Variants in CACNA1E observed in about 807,000 individuals in gnomAD.
CACNA1E encodes voltage-dependent R-type calcium channel subunit alpha-1E.
CACNA1E carries 40 observed loss-of-function variants against 259.2 expected under a neutral mutation model. That is an observed-to-expected ratio of 0.15 (90% CI 0.12 to 0.20). The LOEUF is 0.20. Ranked by LOEUF, CACNA1E falls within the 10% of genes least tolerant of loss-of-function variation. The pLI, the probability that CACNA1E is intolerant of heterozygous loss-of-function variation, is 1.00. For synonymous variants in CACNA1E, 1,104 were observed against 1,138.5 expected (o/e 0.97, Z 0.61); for missense variants, 1,874 against 3,040.1 (o/e 0.62, Z 9.02).
intron 14 of CACNA1E, 76 bp from the exon 15 acceptor site, chr1:181,720,707 A>C: frequency 1.2e-6 from 1 of 848,472 alleles, no homozygotes; most frequent in Non-Finnish European, 2.0e-6. Context: ...AAGTGATGAA[A>C]GCTGTGATCT....
chr1:181,605,496 A>G (rs1174938712), intron 6 of CACNA1E, among the ~76,000 whole-genome samples: 2 of 152,206 alleles, frequency 1.3e-5, no homozygotes, highest in East Asian at 1.9e-4. Flanking sequence ...TTGAAACAGG[A>G]ATAAAAACTA....
At chr1:181,393,266 C>T (rs896346474) in intron 1 of CACNA1E, among the ~76,000 whole-genome samples, 14 of 152,154 alleles carry the variant, frequency 9.2e-5, no homozygotes, top group South Asian at 2.1e-4. Context: ...CAGTTTTCCT[C>T]ATCTGTAAGA....
chr1:181,502,992 C>T (rs1348993791), intron 1 of CACNA1E, among the ~76,000 whole-genome samples: 2 of 152,138 alleles, frequency 1.3e-5, no homozygotes, highest in African/African-American at 4.8e-5. Context: ...AGCCACTGTG[C>T]CTGGCCAGGC....
intron 3 of CACNA1E, among the ~76,000 whole-genome samples, chr1:181,534,680 T>A (rs1443104672): frequency 6.6e-6 from 1 of 151,642 alleles, no homozygotes; most frequent in Non-Finnish European, 1.5e-5. Context: ...AGAAAAGAAG[T>A]AGTAGGCAAA....
intron 2 of CACNA1E, among the ~76,000 whole-genome samples, chr1:181,431,861 T>A (rs1044333704): frequency 1.5e-4 from 23 of 152,218 alleles, no homozygotes; most frequent in Non-Finnish European, 7.3e-5. Flanking sequence ...TTTATTTGAC[T>A]TTTGGAGTAG....
At chr1:181,359,325 G>T (rs1193392483) in intron 1 of CACNA1E, among the ~76,000 whole-genome samples, 2 of 152,172 alleles carry the variant, frequency 1.3e-5, no homozygotes, top group Non-Finnish European at 2.9e-5. Flanking sequence ...TTATACCTGA[G>T]AGGGTTCGGA....
At chr1:181,753,584 A>G (rs935017819) in intron 27 of CACNA1E, among the ~76,000 whole-genome samples, 4 of 152,164 alleles carry the variant, frequency 2.6e-5, no homozygotes, top group Non-Finnish European at 5.9e-5. Context: ...AGAAAACTCA[A>G]CAGTTCCTCT....
At position 181,721,291 on chromosome 1, in the gene CACNA1E, T is replaced by C. The variant is rs143818682; in HGVS notation, c.1956+436T>C. 9.9e-3 allele frequency among the ~76,000 whole-genome samples: 1,510 copies of C among 152,298 alleles called. 29 individuals are homozygous for C. The highest frequency in any genetic ancestry group is 0.035 in the African/African-American group (1,444 of 41,566). On this transcript the variant is annotated intron_variant, in intron 15 of 47. Coordinates refer to ENST00000367573, the MANE Select transcript of CACNA1E (RefSeq NM_001205293.3). Reference sequence around the variant, plus strand: ...AATCATGGGGAAAACTCAAAATCAATAGTGTCTTAGGCCTAAAGAAAAATA... The same window carrying C: ...AATCATGGGGAAAACTCAAAATCAACAGTGTCTTAGGCCTAAAGAAAAATA...
In CACNA1E at chr1:181,732,392, G is replaced by A. The variant is rs1206135758; in HGVS notation, c.2306G>A (p.Arg769Gln). Residue 769 changes from arginine to glutamine, a missense_variant, in exon 20 of 48, where the codon CGG becomes CAG. By Grantham distance (43) the Arg-to-Gln change is conservative. This residue lies in a region of CACNA1E where 476 missense variants were observed against 514.0 expected (regional missense o/e 0.93). Coordinates refer to ENST00000367573, the MANE Select transcript of CACNA1E (RefSeq NM_001205293.3). This position sits in a 1 kb window ranked among gnomAD's most constrained non-coding sequence, Gnocchi z 5.5. Reference sequence around the variant, plus strand: ...CCCTTTCCCCTTGGCAGGAGGGAGCGGAGGCGCCGGCACCACATGTCCGTG... The same window carrying A: ...CCCTTTCCCCTTGGCAGGAGGGAGCAGAGGCGCCGGCACCACATGTCCGTG... ...WEPRSSHLRE[R>Q]RRRHHMSVWE... The A allele has an allele frequency of 5.3e-6, 8 of 1,523,728 alleles. No homozygotes were observed. Among genetic ancestry groups the A allele is most frequent in the Admixed American group, 2.1e-5 (1 of 47,504 alleles). 94.4% of individuals were successfully genotyped at this position (1,523,728 alleles called of 1,614,324 possible).
chr1:181,724,230 A>G (rs571987986), intron 16 of CACNA1E, among the ~76,000 whole-genome samples: 9 of 152,292 alleles, frequency 5.9e-5, no homozygotes, highest in Admixed American at 5.9e-4. Flanking sequence ...TGATTCAAGT[A>G]TTTCTTTATC....
chr1:181,440,257 T>C (rs1398844957), intron 2 of CACNA1E, among the ~76,000 whole-genome samples: 2 of 152,046 alleles, frequency 1.3e-5, no homozygotes, highest in African/African-American at 2.4e-5. Flanking sequence ...GAGCGAAGAA[T>C]GGAAACTTTC....
intron 2 of CACNA1E, among the ~76,000 whole-genome samples, chr1:181,457,040 A>G (rs1661505787): frequency 6.6e-6 from 1 of 152,262 alleles, no homozygotes; most frequent in Admixed American, 6.5e-5. Context: ...GTGAGCCTCT[A>G]TAATAAAGTA....
At chr1:181,491,474 G>A (rs761597633) in intron 1 of CACNA1E, among the ~76,000 whole-genome samples, 4 of 152,232 alleles carry the variant, frequency 2.6e-5, no homozygotes, top group Non-Finnish European at 5.9e-5. Flanking sequence ...ATCATGCTTT[G>A]AGAACCATTG....
intron 25 of CACNA1E, 39 bp downstream of exon 25, chr1:181,739,292 C>T: frequency 7.5e-7 from 1 of 1,328,822 alleles, no homozygotes; most frequent in Non-Finnish European, 1.1e-6. Context: ...CTTCCTTCCC[C>T]TCTTCCTGGA....
intron 1 of CACNA1E, among the ~76,000 whole-genome samples, chr1:181,333,810 C>G (rs1651476052): frequency 6.6e-6 from 1 of 152,148 alleles, no homozygotes; most frequent in Admixed American, 6.5e-5. Context: ...CATGTACCAC[C>G]ACGCCCGGCT....
intron 43 of CACNA1E, among the ~76,000 whole-genome samples, 154 bp from the exon 44 acceptor site, chr1:181,790,291 T>C (rs919224841): frequency 1.0e-5 from 1 of 97,508 alleles, no homozygotes; most frequent in Non-Finnish European, 2.3e-5. Context: ...CTTCTAGTGC[T>C]TTTTTTTTTT....
intron 3 of CACNA1E, among the ~76,000 whole-genome samples, chr1:181,526,055 A>T (rs752595398): frequency 2.0e-5 from 3 of 152,268 alleles, no homozygotes; most frequent in Middle Eastern, 3.4e-3. Context: ...TGTTGCAGGG[A>T]TGCTAGGTCA....
chr1:181,785,537 G>A, intron 42 of CACNA1E, 119 bp downstream of exon 42: 2 of 882,762 alleles, frequency 2.3e-6, no homozygotes, highest in Middle Eastern at 2.2e-4. Flanking sequence ...AGTAATGGGT[G>A]CGGGGCCCAA....
At chr1:181,385,103 G>A (rs1274548638) in intron 1 of CACNA1E, among the ~76,000 whole-genome samples, 1 of 152,120 alleles carries the variant, frequency 6.6e-6, no homozygotes, top group Non-Finnish European at 1.5e-5. Flanking sequence ...GGTCTCTGGG[G>A]ACAGGGTGAG....
Sources: gnomAD v4.1 joint callset for allele counts (sites outside exome capture counted in the v4.1 genomes callset) on GRCh38, gnomAD v4.1.1 for gene constraint, gnomAD v4.1.1 regional missense constraint, Gnocchi (gnomAD v3.1) non-coding constraint, MANE v1.5 for transcripts, NCBI Gene and HGNC (gene_info 2026-07-23, HGNC 2026-07-21) for gene names.